ANKRD44: variants seen among roughly 807,000 people sequenced by gnomAD.
The protein encoded by ANKRD44 is ankyrin repeat domain 44.
ANKRD44 carries 35 observed loss-of-function variants against 116.0 expected under a neutral mutation model. The ratio of observed to expected loss-of-function variants is 0.30; its 90% confidence interval spans 0.23 to 0.40. The LOEUF (loss-of-function observed/expected upper bound fraction) is 0.40. ANKRD44 is among the 10% of genes least tolerant of loss of function. The pLI is 1.00. For synonymous variants in ANKRD44, 435 were observed against 461.8 expected, an observed-to-expected ratio of 0.94 and a Z score of 0.74; for missense variants, 1,014 against 1,242.6, an observed-to-expected ratio of 0.82 and a Z score of 2.77.
At chr2:197,266,370 G>C (rs2082741533) in intron 1 of ANKRD44, among the ~76,000 whole-genome samples, 1 of 152,072 alleles carries the variant, frequency 6.6e-6, no homozygotes, top group Admixed American at 6.5e-5. Context: ...GAAAATTACA[G>C]TTGAAATTAC....
At chr2:197,154,334 C>T (rs530360864) in intron 2 of ANKRD44, among the ~76,000 whole-genome samples, 1 of 151,828 alleles carries the variant, frequency 6.6e-6, no homozygotes, top group African/African-American at 2.4e-5. Flanking sequence ...CGCCCGCTAC[C>T]ACGCCCGGCT....
chr2:197,163,479 A>C (rs1187596735), intron 2 of ANKRD44, among the ~76,000 whole-genome samples: 1 of 152,240 alleles, frequency 6.6e-6, no homozygotes, highest in Non-Finnish European at 1.5e-5. Flanking sequence ...TTTACTTAGT[A>C]GTCTCTGGCT....
At chr2:197,156,113 A>G (rs772555358) in intron 2 of ANKRD44, among the ~76,000 whole-genome samples, 28 of 152,172 alleles carry the variant, frequency 1.8e-4, no homozygotes, top group Non-Finnish European at 3.1e-4. Flanking sequence ...TTGGGAGGCC[A>G]AGGCGGGCGG....
chr2:197,285,735 A>G (rs1201471110), intron 1 of ANKRD44, among the ~76,000 whole-genome samples: 1 of 152,232 alleles, frequency 6.6e-6, no homozygotes, highest in Non-Finnish European at 1.5e-5. Flanking sequence ...AGATTGCAGA[A>G]AAACAAAAAG....
intron 2 of ANKRD44, among the ~76,000 whole-genome samples, chr2:197,183,425 CA>C (rs1192216219): frequency 1.3e-5 from 2 of 152,134 alleles, no homozygotes; most frequent in Non-Finnish European, 1.5e-5. Flanking sequence ...ACATGGTTAT[CA>C]GCCCCTTTTC....
Position 197,159,856 on chromosome 2 carries a change from C to A in ANKRD44, c.112-12751G>T, listed in dbSNP as rs376606532. Among the ~76,000 whole-genome samples the A allele has an allele frequency of 3.3e-5, 5 of 152,238 alleles. No individual in the cohort carries two copies. In the East Asian group the frequency reaches 7.7e-4, roughly 24 times the overall value. ...AAAGTCACACACCAATATTTGGTGA[C>A]CCTGGATTTCCTGACTCCACATCCG... On this transcript the variant is annotated intron_variant, in intron 2 of 27. Transcript: ENST00000282272.
At chr2:197,093,932 C>T (rs1191350930) in intron 10 of ANKRD44, among the ~76,000 whole-genome samples, 2 of 152,144 alleles carry the variant, frequency 1.3e-5, no homozygotes, top group South Asian at 2.1e-4. Flanking sequence ...CGTTAAATTG[C>T]CACATTTATT....
chr2:197,009,078 CAT>C (rs748493035), intron 18 of ANKRD44, 47 bp from the exon 19 acceptor site: 2 of 1,479,418 alleles, frequency 1.4e-6, no homozygotes, highest in Admixed American at 3.4e-5. Context: ...CAACACTACA[CAT>C]ATCTCTTCCA....
rs1424076432 is a variant in ANKRD44, at chr2:197,310,730, T to G, written c.-126A>C. ...ATCTGGCTCCCGAATTTGACAGCCC[T>G]CCCCCTGCTCCTCCTCCGCCGCCGC... On this transcript the variant is annotated 5_prime_UTR_variant, in exon 1 of 28. Coordinates refer to ENST00000282272, the MANE Select transcript of ANKRD44 (RefSeq NM_001195144.2). 1.1e-6 allele frequency: 1 copy of G among 933,750 alleles called. No individual in the cohort carries two copies. Among genetic ancestry groups the G allele is most frequent in the Non-Finnish European group, 1.4e-6 (1 of 720,358 alleles). The allele number at this position is 933,750 out of a possible 1,614,324, so 57.8% of individuals were successfully genotyped here.
intron 16 of ANKRD44, among the ~76,000 whole-genome samples, chr2:197,046,116 C>T (rs2076996755): frequency 6.6e-6 from 1 of 152,206 alleles, no homozygotes; most frequent in Non-Finnish European, 1.5e-5. Context: ...TTTATGGCCA[C>T]ATAGCATTCC....
chr2:197,186,586 TC>T, intron 2 of ANKRD44, among the ~76,000 whole-genome samples: 1 of 143,980 alleles, frequency 6.9e-6, no homozygotes, highest in Non-Finnish European at 1.5e-5. Flanking sequence ...CACCTGTGCC[TC>T]CATCACTATG....
rs535050004 is a variant in ANKRD44 at position 197,081,705 on chromosome 2, G to T, written c.1478C>A (p.Ala493Asp). Residue 493 changes from alanine to aspartate, a missense_variant, in exon 15 of 28, where the codon GCC (alanine) becomes GAC (aspartate). Ala to Asp is a moderately radical substitution (Grantham distance 126). Transcript: ENST00000282272. ...MDRNKTILGN[A>D]HDNSEELERA... ...TTCAAGTTCTTCTGAATTATCATGG[G>T]CATTTCCTAAGATAGTCTTACTTCT... 25 of 1,613,572 alleles carry T rather than the reference G, an allele frequency of 1.5e-5. No homozygotes were observed. The South Asian group carries it at 2.6e-4, about 17-fold the overall frequency.
At chr2:197,281,583 G>A (rs1274234015) in intron 1 of ANKRD44, among the ~76,000 whole-genome samples, 1 of 152,140 alleles carries the variant, frequency 6.6e-6, no homozygotes, top group Non-Finnish European at 1.5e-5. Context: ...CAGCAACAGG[G>A]AGTAAAGTAC....
chr2:197,265,257 G>C lies in ANKRD44; in HGVS notation c.27+45321C>G, dbSNP rs1000638836. Among the ~76,000 whole-genome samples the C allele has an allele frequency of 4.7e-5, 7 of 150,430 alleles. No individual in the cohort carries two copies. The South Asian group carries it at 1.3e-3, about 27-fold the overall frequency. On this transcript the variant is annotated intron_variant, in intron 1 of 27. Coordinates refer to ENST00000282272, the MANE Select transcript of ANKRD44 (RefSeq NM_001195144.2). ...CTTTTTTTTTTTTTTTGGTGGGGAG[G>C]GGGTGGGGAGACAGAGTCTTCCTCT...
intron 1 of ANKRD44, among the ~76,000 whole-genome samples, chr2:197,217,945 C>G (rs1028250911): frequency 1.1e-4 from 17 of 152,182 alleles, no homozygotes; most frequent in African/African-American, 4.1e-4. Context: ...CACTCCTGTA[C>G]TGAAACATTT....
Position 197,085,707 on chromosome 2 carries a change from T to C in ANKRD44, c.1316+973A>G, listed in dbSNP as rs555879148. ...TGAATAATCCACCCCTTGTTTAGCATATAATCAAGAAATAACCGTAAAAAT... is the reference window on the plus strand; with the variant it reads ...TGAATAATCCACCCCTTGTTTAGCACATAATCAAGAAATAACCGTAAAAAT... On this transcript the variant is annotated intron_variant, in intron 13 of 27. Coordinates refer to ENST00000282272, the MANE Select transcript of ANKRD44 (RefSeq NM_001195144.2). 9.2e-5 allele frequency among the ~76,000 whole-genome samples: 14 copies of C among 152,288 alleles called. No homozygotes were observed. In the East Asian group the frequency reaches 2.7e-3, roughly 29 times the overall value.
chr2:197,222,475 T>G (rs905698589), intron 1 of ANKRD44, among the ~76,000 whole-genome samples: 3 of 152,340 alleles, frequency 2.0e-5, no homozygotes, highest in South Asian at 4.1e-4. Flanking sequence ...AAAAACATTC[T>G]CTGCCCTCAT....
intron 2 of ANKRD44, among the ~76,000 whole-genome samples, chr2:197,165,008 G>A (rs896522492): frequency 3.3e-5 from 5 of 152,102 alleles, no homozygotes; most frequent in Non-Finnish European, 7.4e-5. Context: ...GTAAAATGGG[G>A]CTAATAGAAT....
intron 21 of ANKRD44, among the ~76,000 whole-genome samples, chr2:196,972,603 T>C (rs1468979368): frequency 6.6e-6 from 1 of 152,252 alleles, no homozygotes; most frequent in Non-Finnish European, 1.5e-5. Context: ...GATTTTTAGC[T>C]TGAATTTACA....
Sources: allele counts gnomAD v4.1 joint callset (sites outside exome capture counted in the v4.1 genomes callset), GRCh38; gene constraint gnomAD v4.1.1; transcripts MANE v1.5; gene names NCBI Gene and HGNC (gene_info 2026-07-23, HGNC 2026-07-21).